CHCHD7: variants seen among roughly 807,000 people sequenced by gnomAD.
The protein encoded by CHCHD7 is coiled-coil-helix-coiled-coil-helix domain-containing protein 7.
In CHCHD7, 7 loss-of-function variants were observed where a neutral mutation model predicts 10.5. The ratio of observed to expected loss-of-function variants is 0.67; its 90% CI spans 0.38 to 1.25. The LOEUF (loss-of-function observed/expected upper bound fraction) is 1.25. Among genes scored for constraint, CHCHD7 ranks in the 50% most tolerant of loss-of-function variants. The pLI, the probability that CHCHD7 is intolerant of heterozygous loss-of-function variation, is 0.02. For synonymous variants in CHCHD7, 40 were observed against 36.0 expected (o/e 1.11, Z -0.40); for missense variants, 100 against 104.5 (o/e 0.96, Z 0.19).
At chr8:56,215,817 C>T (rs564976289) in intron 2 of CHCHD7, among the ~76,000 whole-genome samples, 17 of 152,246 alleles carry the variant, frequency 1.1e-4, no homozygotes, top group African/African-American at 3.4e-4. Flanking sequence ...CCATGTGGCA[C>T]CTACTTTCCT....
Position 56,217,683 on chromosome 8 carries a change from A to G in CHCHD7, c.*248A>G, listed in dbSNP as rs538654826. The G allele has an allele frequency of 1.5e-4, 51 of 350,504 alleles. No individual in the cohort carries two copies. Among genetic ancestry groups the G allele is most frequent in the African/African-American group, 8.5e-4 (41 of 48,126 alleles). 21.7% of individuals were successfully genotyped at this position (350,504 alleles called of 1,614,324 possible). On this transcript the variant is annotated 3_prime_UTR_variant, in exon 4 of 4. Transcript: ENST00000355315. ...GAGGCATGGAGTTAGGTAAGGCTACATGAGAAATTGAGCTTTTCCACTGGG... is the reference window on the plus strand; with the variant it reads ...GAGGCATGGAGTTAGGTAAGGCTACGTGAGAAATTGAGCTTTTCCACTGGG...
chr8:56,214,520 A>T, intron 1 of CHCHD7, 78 bp from the exon 2 acceptor site: 1 of 1,012,084 alleles, frequency 9.9e-7, no homozygotes, highest in Non-Finnish European at 1.5e-6. Context: ...AATTTCAGGT[A>T]CTTTTAGTGC....
In CHCHD7 at chr8:56,212,475, G is replaced by C. The variant is rs933531321; in HGVS notation, c.-17+638G>C. The C allele has an allele frequency of 2.3e-5, 4 of 176,502 alleles. No individual in the cohort carries two copies. In the East Asian group the frequency reaches 4.1e-4, roughly 18 times the overall value. The allele number at this position is 176,502 out of a possible 1,614,324, so 10.9% of individuals were successfully genotyped here. ...CTGCCCTTTCAAAGCTACTTAGAGA[G>C]GGGGGACGTGAACCACTGGATGGGA... On this transcript the variant is annotated intron_variant, in intron 1 of 3. Coordinates refer to ENST00000355315, the MANE Select transcript of CHCHD7 (RefSeq NM_001011671.3).
intron 1 of CHCHD7, chr8:56,213,316 C>CT (rs1028616807): frequency 3.3e-5 from 5 of 152,910 alleles, no homozygotes; most frequent in South Asian, 2.1e-4. Flanking sequence ...CTTTTCCATT[C>CT]TTTTTTTTGC....
chr8:56,216,223 A>G (rs753919361), intron 2 of CHCHD7, among the ~76,000 whole-genome samples: 1 of 152,248 alleles, frequency 6.6e-6, no homozygotes, highest in Admixed American at 6.5e-5. Context: ...AAACTGGCCC[A>G]CATTATAAAA....
intron 3 of CHCHD7, chr8:56,216,956 T>A: frequency 6.8e-6 from 3 of 443,472 alleles, no homozygotes; most frequent in Non-Finnish European, 1.2e-5. Context: ...TGGTATATAA[T>A]TTCTGTTTCC....
At chr8:56,216,907 A>C in intron 3 of CHCHD7, 1 of 500,704 alleles carries the variant, frequency 2.0e-6, no homozygotes, top group Non-Finnish European at 3.6e-6. Context: ...TCTCACTGCC[A>C]TCCGTGGAAG....
At chr8:56,216,797 A>G (rs558342302) in intron 3 of CHCHD7, 17 of 689,960 alleles carry the variant, frequency 2.5e-5, no homozygotes, top group African/African-American at 1.8e-4. Context: ...CCCTAAAACA[A>G]TGTCTTTGTT....
Position 56,214,608 on chromosome 8 carries a change from G to T in CHCHD7, c.-6G>T. ...TCTGTCTACCCTCAGTAAGAAGACT[G>T]TTAGAATGCCCTCGGTAACACAGAG... On this transcript the variant is annotated 5_prime_UTR_variant, in exon 2 of 4. Transcript: ENST00000355315. 1 of 1,612,650 alleles carries T rather than the reference G, an allele frequency of 6.2e-7. No homozygotes were observed. The highest frequency in any genetic ancestry group is 8.5e-7 in the Non-Finnish European group (1 of 1,178,796).
chr8:56,213,784 G>A (rs1813176223), intron 1 of CHCHD7: 1 of 152,218 alleles, frequency 6.6e-6, no homozygotes, highest in Non-Finnish European at 1.5e-5. Flanking sequence ...CAACTCTTTT[G>A]TTTTTGAAAC....
intron 2 of CHCHD7, chr8:56,215,435 A>T (rs1205005487): frequency 1.3e-5 from 2 of 152,038 alleles, no homozygotes; most frequent in African/African-American, 4.8e-5. Context: ...CAATTTTTCC[A>T]CGGATGGGGA....
rs546996509 is a variant in CHCHD7, at chr8:56,217,511, G to A, written c.*76G>A. ...AATAAATGATTGCTGTAATATTTAA[G>A]ACTGTACACCCCTCACCCAGACAGA... On this transcript the variant is annotated 3_prime_UTR_variant, in exon 4 of 4. Coordinates refer to ENST00000355315, the MANE Select transcript of CHCHD7 (RefSeq NM_001011671.3). 43 of 907,708 alleles carry A rather than the reference G, an allele frequency of 4.7e-5. No homozygotes were observed. Among genetic ancestry groups the A allele is most frequent in the Admixed American group, 4.4e-4 (23 of 52,414 alleles). The allele number at this position is 907,708 out of a possible 1,614,324, so 56.2% of individuals were successfully genotyped here.
chr8:56,215,260 A>G, intron 2 of CHCHD7: 1 of 152,338 alleles, frequency 6.6e-6, no homozygotes, highest in East Asian at 1.9e-4. Context: ...TTTTCCAAAT[A>G]TATACATTCA....
At chr8:56,213,457 T>C (rs1355088913) in intron 1 of CHCHD7, 1 of 152,190 alleles carries the variant, frequency 6.6e-6, no homozygotes, top group Non-Finnish European at 1.5e-5. Context: ...AGTGGCGCGA[T>C]CTCGGCTCAC....
At chr8:56,216,247 C>T (rs746244634) in intron 2 of CHCHD7, 186 bp from the exon 3 acceptor site, 2 of 838,056 alleles carry the variant, frequency 2.4e-6, no homozygotes, top group African/African-American at 3.4e-5. Context: ...AAGATGTTAG[C>T]CTGAGCAGAG....
rs1206495232 is a variant in CHCHD7, at chr8:56,217,791, T to G, written c.*356T>G. ...CAATGTTTCCAAGGAAAGGAAATGT[T>G]ATGAGCAAGAGTGTGAGGCAAGAGA... On this transcript the variant is annotated 3_prime_UTR_variant, in exon 4 of 4. Coordinates refer to ENST00000355315, the MANE Select transcript of CHCHD7 (RefSeq NM_001011671.3). 1 of 249,414 alleles carries G rather than the reference T, an allele frequency of 4.0e-6. No individual in the cohort carries two copies. Among genetic ancestry groups the G allele is most frequent in the African/African-American group, 2.2e-5 (1 of 45,628 alleles). The allele number at this position is 249,414 out of a possible 1,614,324, so 15.5% of individuals were successfully genotyped here.
In CHCHD7 at chr8:56,218,339, T is replaced by C. The variant is rs1420676493; in HGVS notation, c.*904T>C. On this transcript the variant is annotated 3_prime_UTR_variant, in exon 4 of 4. Transcript: ENST00000355315. ...ATTCAATGTGGTGACTGGGGTAGAC[T>C]GTGAAGCAGCCCTCCTTATGCCCAC... is the stretch of plus-strand genomic sequence containing the variant. 2.2e-5 allele frequency: 5 copies of C among 228,678 alleles called. No individual in the cohort carries two copies. Among genetic ancestry groups the C allele is most frequent in the Non-Finnish European group, 3.5e-5 (4 of 115,324 alleles). The allele number at this position is 228,678 out of a possible 1,614,324, so 14.2% of individuals were successfully genotyped here.
intron 2 of CHCHD7, 184 bp downstream of exon 2, chr8:56,214,851 C>A (rs1035914281): frequency 2.0e-6 from 1 of 487,914 alleles, no homozygotes; most frequent in Non-Finnish European, 3.7e-6. Context: ...AACAAACATT[C>A]ATCTTTTCTT....
At chr8:56,212,778 T>C in intron 1 of CHCHD7, 1 of 901,016 alleles carries the variant, frequency 1.1e-6, no homozygotes, top group South Asian at 1.4e-5. Flanking sequence ...CACGAGGAAC[T>C]CATGCAAAGG....
Sources: allele counts gnomAD v4.1 joint callset (sites outside exome capture counted in the v4.1 genomes callset), GRCh38; gene constraint gnomAD v4.1.1; transcripts MANE v1.5; gene names NCBI Gene and HGNC (gene_info 2026-07-23, HGNC 2026-07-21).